The following ZBTB40 variants were observed in gnomAD, a reference collection of about 807,000 sequenced individuals.
ZBTB40 encodes zinc finger and BTB domain-containing protein 40.
Under a neutral mutation model 117.5 loss-of-function variants are expected in ZBTB40, and 60 were observed. The observed-to-expected ratio is 0.51, with a 90% CI of 0.41 to 0.63. The LOEUF is 0.63. Ranked by LOEUF, ZBTB40 falls within the 30% of genes least tolerant of loss-of-function variation. The pLI is 0.00. For missense variants in ZBTB40, 1,287 were observed against 1,498.5 expected, an observed-to-expected ratio of 0.86 and a Z score of 2.33; for synonymous variants, 525 against 577.1, an observed-to-expected ratio of 0.91 and a Z score of 1.29.
At chr1:22,466,160 G>A (rs528049926) in intron 1 of ZBTB40, among the ~76,000 whole-genome samples, 83 of 152,216 alleles carry the variant, frequency 5.5e-4, no homozygotes, top group African/African-American at 1.9e-3. Context: ...TGGCTAAACT[G>A]GCTTTTACTT....
chr1:22,507,890 A>G (rs1229944581), intron 6 of ZBTB40, 111 bp from the exon 7 acceptor site: 17 of 1,502,778 alleles, frequency 1.1e-5, no homozygotes, highest in Middle Eastern at 2.0e-4. Context: ...TGCAGAGGAC[A>G]CTGAGCCCTT....
intron 1 of ZBTB40, among the ~76,000 whole-genome samples, chr1:22,430,062 T>G (rs530827116): frequency 1.1e-3 from 164 of 152,242 alleles, no homozygotes; most frequent in Non-Finnish European, 2.1e-3. Context: ...TCTAAGTATC[T>G]TTTATTTAAG....
At chr1:22,486,876 A>T (rs549039588) in intron 1 of ZBTB40, among the ~76,000 whole-genome samples, 14 of 152,072 alleles carry the variant, frequency 9.2e-5, no homozygotes, top group Admixed American at 1.3e-4. Context: ...CTGGGGTTCC[A>T]GGTGCCCGCC....
intron 1 of ZBTB40, among the ~76,000 whole-genome samples, chr1:22,478,392 C>T (rs758675810): frequency 3.9e-5 from 6 of 152,124 alleles, no homozygotes; most frequent in Non-Finnish European, 7.3e-5. Context: ...GGACTACAGG[C>T]GCCTGCTACC....
intron 1 of ZBTB40, among the ~76,000 whole-genome samples, chr1:22,474,483 G>T (rs1641507840): frequency 1.3e-5 from 2 of 152,134 alleles, no homozygotes; most frequent in Non-Finnish European, 2.9e-5. Flanking sequence ...AATCCTCCTT[G>T]CATCCTCAGA....
At chr1:22,493,673 G>A (rs1429453945) in intron 3 of ZBTB40, among the ~76,000 whole-genome samples, 1 of 151,886 alleles carries the variant, frequency 6.6e-6, no homozygotes, top group African/African-American at 2.4e-5. Context: ...GGTAACCACT[G>A]GTCTGCTTTC....
chr1:22,504,455 G>A (rs1027076532), intron 5 of ZBTB40, among the ~76,000 whole-genome samples: 1 of 152,132 alleles, frequency 6.6e-6, no homozygotes, highest in African/African-American at 2.4e-5. Flanking sequence ...ATGACATCAT[G>A]GATATTACTC....
chr1:22,450,507 A>G (rs997364954), upstream of ZBTB40, among the ~76,000 whole-genome samples: 2 of 152,208 alleles, frequency 1.3e-5, no homozygotes, highest in Non-Finnish European at 2.9e-5. Context: ...GCACAAGGGT[A>G]TGAGGACAAC....
At chr1:22,470,203 C>T (rs1641367240) in intron 1 of ZBTB40, among the ~76,000 whole-genome samples, 1 of 152,186 alleles carries the variant, frequency 6.6e-6, no homozygotes, top group African/African-American at 2.4e-5. Context: ...TCAATTCTTT[C>T]ATCTGTAAAA....
chr1:22,507,991 A>G lies in ZBTB40; in HGVS notation c.1361-10A>G, dbSNP rs1303983996. On this transcript the variant is annotated splice_polypyrimidine_tract_variant and intron_variant, in intron 6 of 17. Coordinates refer to ENST00000375647, the MANE Select transcript of ZBTB40 (RefSeq NM_014870.4). The stretch of plus-strand genomic sequence containing the variant: ...CATCAAACATTATTGTTTTGCTAAT[A>G]TCCTTACAGTCCAACCAAGCCCTGA... 1 of 1,614,010 alleles carries G rather than the reference A, an allele frequency of 6.2e-7. No individual in the cohort carries two copies. Among genetic ancestry groups the G allele is most frequent in the Admixed American group, 1.7e-5 (1 of 59,994 alleles).
chr1:22,452,240 CAG>C (rs1406878742), intron 1 of ZBTB40, among the ~76,000 whole-genome samples: 3 of 152,172 alleles, frequency 2.0e-5, no homozygotes, highest in African/African-American at 4.8e-5. Context: ...GGGACCCACT[CAG>C]GGCGCCAGGC....
In ZBTB40 at chr1:22,482,874, C is replaced by T. The variant is rs371657684; in HGVS notation, c.-69-7006C>T. On this transcript the variant is annotated intron_variant, in intron 1 of 17. Coordinates refer to ENST00000375647, the MANE Select transcript of ZBTB40 (RefSeq NM_014870.4). Reference sequence around the variant, plus strand: ...CAGGTGGATCACGAGGTCAGGAGATCGAGACCATCCTGGCTAACACAGTGA... The same window carrying T: ...CAGGTGGATCACGAGGTCAGGAGATTGAGACCATCCTGGCTAACACAGTGA... Among the ~76,000 whole-genome samples, 12 of 152,166 alleles carry T rather than the reference C, an allele frequency of 7.9e-5. No homozygotes were observed. The East Asian group carries it at 1.7e-3, about 22-fold the overall frequency.
At position 22,501,677 on chromosome 1, in the gene ZBTB40, G is replaced by A; in HGVS notation, c.1017G>A (p.Gln339=). Residue 339 remains glutamine (Q), a synonymous_variant, in exon 4 of 18, where the codon CAG becomes CAA. Transcript: ENST00000375647. The part of the protein sequence containing the change: ...DRKPEDVDTV[Q]PKGSTEEGKT... ...AGCCAGAAGATGTAGACACAGTGCA[G>A]CCAAAAGGTAGGAGAAGATCCTATG... 3 of 1,613,638 alleles carry A rather than the reference G, an allele frequency of 1.9e-6. No individual in the cohort carries two copies. Among genetic ancestry groups the A allele is most frequent in the South Asian group, 1.1e-5 (1 of 91,048 alleles).
At chr1:22,435,611 C>A (rs1640659911) in intron 1 of ZBTB40, among the ~76,000 whole-genome samples, 1 of 152,146 alleles carries the variant, frequency 6.6e-6, no homozygotes, top group South Asian at 2.1e-4. Context: ...AGTGGGCATC[C>A]ATGTATTGCT....
At chr1:22,458,830 A>G (rs1040127758) in intron 1 of ZBTB40, among the ~76,000 whole-genome samples, 1 of 152,192 alleles carries the variant, frequency 6.6e-6, no homozygotes, top group East Asian at 1.9e-4. Context: ...GCCTCAAGCA[A>G]TCCACCTGCC....
chr1:22,447,145 T>C (rs1640799251), upstream of ZBTB40, among the ~76,000 whole-genome samples: 1 of 151,862 alleles, frequency 6.6e-6, no homozygotes, highest in Non-Finnish European at 1.5e-5. Context: ...TGGTTGGTAA[T>C]GGTTACACAG....
At chr1:22,483,910 T>TGTG (rs1638395131) in intron 1 of ZBTB40, among the ~76,000 whole-genome samples, 1 of 152,248 alleles carries the variant, frequency 6.6e-6, no homozygotes, top group African/African-American at 2.4e-5. Context: ...TGATGTATTT[T>TGTG]AAGTTAATTT....
intron 17 of ZBTB40, 28 bp from the exon 18 acceptor site, chr1:22,526,174 G>T: frequency 6.2e-7 from 1 of 1,613,708 alleles, no homozygotes; most frequent in South Asian, 1.1e-5. Context: ...ACACTGCCCA[G>T]AGCAGCCTCA....
intron 1 of ZBTB40, among the ~76,000 whole-genome samples, chr1:22,439,488 G>C (rs4540623): frequency 0.91 from 139,295 of 152,272 alleles, 64,999 homozygotes; most frequent in Non-Finnish European, 1. Context: ...ACATTTATGT[G>C]TTCAATTCAT....
Sources: gnomAD v4.1 joint callset for allele counts (sites outside exome capture counted in the v4.1 genomes callset) on GRCh38, gnomAD v4.1.1 for gene constraint, MANE v1.5 for transcripts, NCBI Gene and HGNC (gene_info 2026-07-23, HGNC 2026-07-21) for gene names.